Variants in MYCBP2 observed in about 807,000 individuals in gnomAD.
MYCBP2 encodes E3 ubiquitin-protein ligase MYCBP2.
Under a neutral mutation model 525.3 loss-of-function variants are expected in MYCBP2, and 120 were observed. That is an observed-to-expected ratio of 0.23 (90% CI 0.20 to 0.27). The LOEUF is 0.27. MYCBP2 is among the 10% of genes least tolerant of loss of function. The probability of loss-of-function intolerance (pLI) is 1.00; values close to 1 mark genes in which losing one functional copy is unlikely to be tolerated. For synonymous variants in MYCBP2, 1,894 were observed against 1,955.8 expected, an observed-to-expected ratio of 0.97 and a Z score of 0.83; for missense variants, 4,149 against 5,657.1, an observed-to-expected ratio of 0.73 and a Z score of 8.55.
At chr13:77,254,911 T>C (rs1303290760) in intron 14 of MYCBP2, among the ~76,000 whole-genome samples, 5 of 152,032 alleles carry the variant, frequency 3.3e-5, no homozygotes, top group Non-Finnish European at 7.4e-5. Flanking sequence ...TCTATCCATG[T>C]TTCTGCAAAT....
At chr13:77,124,112 T>C (rs942192539) in intron 54 of MYCBP2, among the ~76,000 whole-genome samples, 4 of 152,196 alleles carry the variant, frequency 2.6e-5, no homozygotes, top group Non-Finnish European at 4.4e-5. Context: ...GTGTACAGCA[T>C]GGTGTAATGA....
rs775727307 is a variant in MYCBP2 at position 77,233,223 on chromosome 13, T to C, written c.2670A>G (p.Arg890=). 3 of 1,613,926 alleles carry C rather than the reference T, an allele frequency of 1.9e-6. No individual in the cohort carries two copies. The highest frequency in any genetic ancestry group is 2.5e-6 in the Non-Finnish European group (3 of 1,179,852). ...ATCTGAGTCTGGCTAGAGCCTGTTCTCGATGGTTCATAAAAATAGGACCAG... is the reference window on the plus strand; with the variant it reads ...ATCTGAGTCTGGCTAGAGCCTGTTCCCGATGGTTCATAAAAATAGGACCAG... The part of the protein sequence containing the change: ...VFAGPIFMNH[R]EQALARLRSH... Residue 890 remains arginine, a synonymous_variant, in exon 18 of 83, where the codon CGA becomes CGG. Coordinates refer to ENST00000544440, the MANE Select transcript of MYCBP2 (RefSeq NM_015057.5).
chr13:77,111,394 T>C (rs543120011), intron 55 of MYCBP2, among the ~76,000 whole-genome samples: 1 of 152,036 alleles, frequency 6.6e-6, no homozygotes, highest in African/African-American at 2.4e-5. Context: ...AAAGTAGATG[T>C]CATTTGAGAC....
chr13:77,081,725 A>C lies in MYCBP2; in HGVS notation c.11194-74T>G. ...CGTGATGATAAAACAAACAGGTATA[A>C]GATAAAACATAATGGAAGACAGGAT... On this transcript the variant is annotated intron_variant, in intron 64 of 82. Coordinates refer to ENST00000544440, the MANE Select transcript of MYCBP2 (RefSeq NM_015057.5). The surrounding 1 kb of genome is among the most constrained non-coding windows in gnomAD (Gnocchi z 4.6). 6.5e-7 allele frequency: 1 copy of C among 1,533,258 alleles called. No homozygotes were observed. Among genetic ancestry groups the C allele is most frequent in the Non-Finnish European group, 8.8e-7 (1 of 1,135,362 alleles). 95.0% of individuals were successfully genotyped at this position (1,533,258 alleles called of 1,614,324 possible). A position where few individuals can be genotyped will look rare whatever the true frequency, so the allele number is the denominator to read the frequency against.
At chr13:77,295,198 G>A (rs2078042203) in intron 2 of MYCBP2, among the ~76,000 whole-genome samples, 1 of 152,078 alleles carries the variant, frequency 6.6e-6, no homozygotes, top group Non-Finnish European at 1.5e-5. Context: ...GCAGTGGTGC[G>A]ATCTCAGCTC....
chr13:77,317,583 T>C (rs2081101548), intron 1 of MYCBP2, among the ~76,000 whole-genome samples: 1 of 152,236 alleles, frequency 6.6e-6, no homozygotes, highest in African/African-American at 2.4e-5. Context: ...TACTGCTCTA[T>C]CAAGTCATCA....
At chr13:77,122,289 G>C (rs1373077066) in intron 54 of MYCBP2, among the ~76,000 whole-genome samples, 1 of 151,950 alleles carries the variant, frequency 6.6e-6, no homozygotes, top group Non-Finnish European at 1.5e-5. Flanking sequence ...AGTAAAATTG[G>C]GGGGAAAAGG....
Position 77,081,795 on chromosome 13 carries a change from T to A in MYCBP2, c.11193+42A>T. 1.9e-6 allele frequency: 3 copies of A among 1,587,334 alleles called. No individual in the cohort carries two copies. Among genetic ancestry groups the A allele is most frequent in the Non-Finnish European group, 2.6e-6 (3 of 1,167,542 alleles). On this transcript the variant is annotated intron_variant, in intron 64 of 82. Coordinates refer to ENST00000544440, the MANE Select transcript of MYCBP2 (RefSeq NM_015057.5). This position sits in a 1 kb window ranked among gnomAD's most constrained non-coding sequence, Gnocchi z 4.6. ...TTACAGTTTCTCCTTTGATGTATTA[T>A]TAACTAACAGGACAACCAGGATAAT...
chr13:77,168,616 G>T lies in MYCBP2; in HGVS notation c.5926C>A (p.Gln1976Lys), dbSNP rs775250468. ...AAAATGGCAACTGACGGAAGCAATT[G>T]TTGGACAAGGCCAAAGACTTCTACA... ...VAVEVFGLVQ[Q>K]LLPSVAILNQ... is the part of the protein sequence containing the mutation. The change falls in exon 40 of 83, where the codon CAA becomes AAA. Residue 1976 changes from glutamine to lysine, a missense_variant. By Grantham distance (53) the Gln-to-Lys change is moderately conservative (BLOSUM62 1). Coordinates refer to ENST00000544440, the MANE Select transcript of MYCBP2 (RefSeq NM_015057.5). 1.2e-6 allele frequency: 2 copies of T among 1,614,052 alleles called. No homozygotes were observed. The highest frequency in any genetic ancestry group is 1.7e-5 in the Admixed American group (1 of 60,008).
chr13:77,115,682 C>T (rs535019331), intron 55 of MYCBP2, among the ~76,000 whole-genome samples: 152 of 149,322 alleles, frequency 1.0e-3, no homozygotes, highest in African/African-American at 3.4e-3. Context: ...AACTATGATT[C>T]GGAAAAAAAA....
intron 46 of MYCBP2, among the ~76,000 whole-genome samples, chr13:77,152,171 A>C (rs1242146532): frequency 6.6e-6 from 1 of 152,218 alleles, no homozygotes; most frequent in African/African-American, 2.4e-5. Flanking sequence ...CTATTTATAT[A>C]ATGTTAGGCA....
At chr13:77,302,541 A>C (rs2078919435) in intron 1 of MYCBP2, among the ~76,000 whole-genome samples, 1 of 152,150 alleles carries the variant, frequency 6.6e-6, no homozygotes, top group Non-Finnish European at 1.5e-5. Flanking sequence ...AGGATTCTAA[A>C]AGTATCCTGT....
intron 59 of MYCBP2, among the ~76,000 whole-genome samples, chr13:77,092,057 G>A (rs1267150167): frequency 6.8e-6 from 1 of 146,992 alleles, no homozygotes; most frequent in Non-Finnish European, 1.5e-5. Flanking sequence ...GTTGGGGAGG[G>A]GAGAAGTTGC....
intron 17 of MYCBP2, among the ~76,000 whole-genome samples, chr13:77,237,818 C>T (rs1406097627): frequency 2.0e-5 from 3 of 152,016 alleles, no homozygotes; most frequent in Admixed American, 6.5e-5. Flanking sequence ...TTTTTTCTTA[C>T]TTATACTCTC....
intron 7 of MYCBP2, 36 bp from the exon 8 acceptor site, chr13:77,267,973 T>C (rs1197726819): frequency 7.1e-7 from 1 of 1,405,994 alleles, no homozygotes; most frequent in South Asian, 1.2e-5. Flanking sequence ...TTAAAATATT[T>C]ATTACTAATT....
chr13:77,192,537 A>G (rs900494586), intron 27 of MYCBP2, among the ~76,000 whole-genome samples: 4 of 152,246 alleles, frequency 2.6e-5, no homozygotes, highest in African/African-American at 9.6e-5. Context: ...AATTGAAAGA[A>G]GAATAAAGGG....
intron 3 of MYCBP2, among the ~76,000 whole-genome samples, chr13:77,287,827 A>T (rs2077046082): frequency 6.6e-6 from 1 of 152,068 alleles, no homozygotes; most frequent in South Asian, 2.1e-4. Flanking sequence ...TCAGAGCTCT[A>T]CTTCCATCTG....
chr13:77,195,219 C>T (rs17693263), intron 26 of MYCBP2, among the ~76,000 whole-genome samples: 3,927 of 152,186 alleles, frequency 0.026, 91 homozygotes, highest in Middle Eastern at 0.078. Context: ...CATTGGATTC[C>T]CTTTGTCCTA....
intron 22 of MYCBP2, 66 bp downstream of exon 22, chr13:77,211,890 G>T: frequency 7.8e-7 from 1 of 1,282,708 alleles, no homozygotes; most frequent in Non-Finnish European, 1.1e-6. Context: ...TAAAGGGAAA[G>T]ATAAACCATT....
Sources: allele counts gnomAD v4.1 joint callset (sites outside exome capture counted in the v4.1 genomes callset), GRCh38; gene constraint gnomAD v4.1.1; non-coding constraint Gnocchi (gnomAD v3.1); transcripts MANE v1.5; gene names NCBI Gene and HGNC (gene_info 2026-07-23, HGNC 2026-07-21).